GNPTAB: variants seen among roughly 807,000 people sequenced by gnomAD.
GNPTAB encodes the protein N-acetylglucosamine-1-phosphate transferase subunits alpha and beta.
GNPTAB carries 92 observed loss-of-function variants against 136.6 expected under a neutral mutation model. The observed-to-expected ratio is 0.67, with a 90% CI of 0.57 to 0.80. The LOEUF (loss-of-function observed/expected upper bound fraction) is 0.80. Among genes scored for constraint, GNPTAB ranks in the 30% least tolerant of loss-of-function variants. The probability of loss-of-function intolerance (pLI) is 0.00; values close to 1 mark genes in which losing one functional copy is unlikely to be tolerated. For missense variants in GNPTAB, 1,343 were observed against 1,501.8 expected (o/e 0.89, Z 1.75); for synonymous variants, 512 against 535.1 (o/e 0.96, Z 0.60).
intron 5 of GNPTAB, among the ~76,000 whole-genome samples, chr12:101,782,594 T>C (rs1445880544): frequency 6.6e-6 from 1 of 152,198 alleles, no homozygotes; most frequent in Non-Finnish European, 1.5e-5. Context: ...CCTCAGTCTA[T>C]TTCCACCAAA....
chr12:101,776,372 T>C (rs960085072), intron 7 of GNPTAB, among the ~76,000 whole-genome samples: 3 of 152,194 alleles, frequency 2.0e-5, no homozygotes, highest in African/African-American at 7.2e-5. Context: ...ACACAAAAAT[T>C]ATACAGATAA....
intron 1 of GNPTAB, among the ~76,000 whole-genome samples, chr12:101,807,526 T>C (rs995358127): frequency 4.7e-5 from 7 of 149,686 alleles, no homozygotes; most frequent in Non-Finnish European, 1.0e-4. Flanking sequence ...AAAAAAAAAC[T>C]GTCTTTGTTC....
At chr12:101,805,875 C>T (rs946445195) in intron 1 of GNPTAB, among the ~76,000 whole-genome samples, 2 of 151,892 alleles carry the variant, frequency 1.3e-5, no homozygotes, top group African/African-American at 2.4e-5. Context: ...GGCTTCTGTA[C>T]GATAATCACC....
At chr12:101,755,149 G>C (rs906485789) in intron 18 of GNPTAB, among the ~76,000 whole-genome samples, 1 of 152,098 alleles carries the variant, frequency 6.6e-6, no homozygotes, top group Non-Finnish European at 1.5e-5. Context: ...AAAAAACGTG[G>C]AGCTAAAATG....
At chr12:101,804,897 C>A (rs911994151) in intron 1 of GNPTAB, among the ~76,000 whole-genome samples, 2 of 152,210 alleles carry the variant, frequency 1.3e-5, no homozygotes, top group Non-Finnish European at 1.5e-5. Flanking sequence ...ACTATCTTAT[C>A]CCCTAAGGGG....
At chr12:101,748,286 T>C (rs1952765934) in intron 20 of GNPTAB, among the ~76,000 whole-genome samples, 1 of 152,194 alleles carries the variant, frequency 6.6e-6, no homozygotes, top group Non-Finnish European at 1.5e-5. Context: ...AGTACTTAGG[T>C]GCTTGTCCTT....
chr12:101,768,095 G>C lies in GNPTAB; in HGVS notation c.1350C>G (p.Gly450=). Residue 450 remains glycine (G), a synonymous_variant, in exon 11 of 21, where the codon GGC becomes GGG. Coordinates refer to ENST00000299314, the MANE Select transcript of GNPTAB (RefSeq NM_024312.5). ...EGCPGSWIKD[G]YCDKACNNSA... The stretch of plus-strand genomic sequence containing the variant: ...AATTATTACAAGCCTTGTCACAATA[G>C]CCATCCTTAATCCAGGAACCTGGGC... The C allele has an allele frequency of 1.2e-6, 2 of 1,613,896 alleles. No individual in the cohort carries two copies. Among genetic ancestry groups the C allele is most frequent in the Non-Finnish European group, 1.7e-6 (2 of 1,179,804 alleles).
In GNPTAB at chr12:101,764,407, G is replaced by A; in HGVS notation, c.2510C>T (p.Ser837Phe). ...GGNVTKEKPP[S>F]LIVPLESQMT... Reference sequence around the variant, plus strand: ...CTGGCTTTCCAGTGGAACAATCAGAGATGGGGGCTTTTCTTTTGTCACATT... The same window carrying A: ...CTGGCTTTCCAGTGGAACAATCAGAAATGGGGGCTTTTCTTTTGTCACATT... Residue 837 changes from serine to phenylalanine, a missense_variant, in exon 13 of 21, where the codon TCT becomes TTT. Transcript: ENST00000299314. 1 of 1,613,552 alleles carries A rather than the reference G, an allele frequency of 6.2e-7. No individual in the cohort carries two copies. Among genetic ancestry groups the A allele is most frequent in the Non-Finnish European group, 8.5e-7 (1 of 1,180,016 alleles).
Position 101,786,023 on chromosome 12 carries a change from C to G in GNPTAB, c.560G>C (p.Ser187Thr), listed in dbSNP as rs771918262. The change falls in exon 5 of 21, where the codon AGT (serine) becomes ACT (threonine). Residue 187 changes from serine to threonine, a missense_variant. Coordinates refer to ENST00000299314, the MANE Select transcript of GNPTAB (RefSeq NM_024312.5). The part of the protein sequence containing the change: ...STNVSVVVFD[S>T]TKDVEDAHSG... Reference sequence around the variant, plus strand: ...TAAAAAGATCTTACCATCCTTAGTACTGTCAAAAACAACAACTGAGACATT... The same window carrying G: ...TAAAAAGATCTTACCATCCTTAGTAGTGTCAAAAACAACAACTGAGACATT... 90 of 1,609,898 alleles carry G rather than the reference C, an allele frequency of 5.6e-5. No individual in the cohort carries two copies. Among genetic ancestry groups the G allele is most frequent in the Non-Finnish European group, 7.7e-5 (90 of 1,176,298 alleles).
chr12:101,773,986 G>C (rs1242771468), intron 7 of GNPTAB, among the ~76,000 whole-genome samples: 4 of 152,220 alleles, frequency 2.6e-5, no homozygotes, highest in Non-Finnish European at 5.9e-5. Flanking sequence ...CAGACCCACA[G>C]TGAACAACAC....
chr12:101,809,156 A>C (rs1870093469), intron 1 of GNPTAB, among the ~76,000 whole-genome samples: 1 of 152,248 alleles, frequency 6.6e-6, no homozygotes, highest in African/African-American at 2.4e-5. Context: ...CAAAGAAAAC[A>C]TACAGATGGT....
In GNPTAB at chr12:101,758,037, ATT is replaced by A. The variant is rs565284497; in HGVS notation, c.3250-382_3250-381del. On this transcript the variant is annotated intron_variant, in intron 16 of 20. Coordinates refer to ENST00000299314, the MANE Select transcript of GNPTAB (RefSeq NM_024312.5). ...GACCCACAAATAGTCTCATAGTCTC[ATT>A]TTTTTTTTTTTTTTTTTGAGACGGA... 2.8e-3 allele frequency among the ~76,000 whole-genome samples: 349 copies of A among 126,170 alleles called. 3 individuals are homozygous for A. The highest frequency in any genetic ancestry group is 8.7e-3 in the African/African-American group (274 of 31,396). The allele number at this position is 126,170 out of a possible 152,430, so 82.8% of individuals were successfully genotyped here.
chr12:101,754,337 G>C (rs144591982), intron 18 of GNPTAB, among the ~76,000 whole-genome samples: 3 of 152,022 alleles, frequency 2.0e-5, no homozygotes, highest in Non-Finnish European at 4.4e-5. Context: ...TGAGGCACTA[G>C]AATTGCTGAA....
chr12:101,789,814 G>T, intron 3 of GNPTAB, 124 bp downstream of exon 3: 1 of 1,014,024 alleles, frequency 9.9e-7, no homozygotes, highest in Non-Finnish European at 1.6e-6. Context: ...AGTTTTACCA[G>T]ATCCTTTTGT....
chr12:101,778,136 A>C (rs1458778970), intron 7 of GNPTAB, among the ~76,000 whole-genome samples: 1 of 152,170 alleles, frequency 6.6e-6, no homozygotes, highest in Non-Finnish European at 1.5e-5. Context: ...AGTTTGCTGA[A>C]TTGTCAACCA....
chr12:101,800,633 C>A (rs1360988129), intron 1 of GNPTAB, among the ~76,000 whole-genome samples: 1 of 148,718 alleles, frequency 6.7e-6, no homozygotes, highest in African/African-American at 2.5e-5. Context: ...AAAAAATCAG[C>A]CAGGCGTGGT....
intron 2 of GNPTAB, among the ~76,000 whole-genome samples, chr12:101,793,672 C>T (rs1037699994): frequency 2.0e-5 from 3 of 152,132 alleles, no homozygotes; most frequent in Non-Finnish European, 4.4e-5. Context: ...GACTAAGTCA[C>T]TCATAACTCA....
intron 1 of GNPTAB, among the ~76,000 whole-genome samples, chr12:101,826,517 T>C (rs988299942): frequency 2.8e-4 from 42 of 151,970 alleles, no homozygotes; most frequent in African/African-American, 9.2e-4. Flanking sequence ...TTTTTTTTTT[T>C]TTTCAAAACA....
chr12:101,752,381 T>C (rs566705950), intron 19 of GNPTAB, among the ~76,000 whole-genome samples: 1 of 152,170 alleles, frequency 6.6e-6, no homozygotes, highest in Non-Finnish European at 1.5e-5. Context: ...GTAGACATCA[T>C]GCCACTGCAC....
Sources: allele counts gnomAD v4.1 joint callset (sites outside exome capture counted in the v4.1 genomes callset), GRCh38; gene constraint gnomAD v4.1.1; transcripts MANE v1.5; gene names NCBI Gene and HGNC (gene_info 2026-07-23, HGNC 2026-07-21).